The following HOXA6 variants were observed in gnomAD, a reference collection of about 807,000 sequenced individuals.
The protein encoded by HOXA6 is homeobox protein Hox-A6.
A neutral mutation model predicts 23.2 loss-of-function variants in HOXA6; 19 were observed. That is an observed-to-expected ratio of 0.82 (90% CI 0.57 to 1.20). The LOEUF is 1.20. HOXA6 is among the 50% of genes most tolerant of loss of function. The pLI, the probability that HOXA6 is intolerant of heterozygous loss-of-function variation, is 0.00. For missense variants in HOXA6, 346 were observed against 313.6 expected (o/e 1.10, Z -0.78); for synonymous variants, 140 against 132.6 (o/e 1.06, Z -0.38).
At position 27,145,658 on chromosome 7, in the gene HOXA6, C is replaced by G. The variant is rs761780955; in HGVS notation, c.702G>C (p.Ter234TyrextTer?). The G allele has an allele frequency of 6.2e-7, 1 of 1,612,676 alleles. No individual in the cohort carries two copies. The highest frequency in any genetic ancestry group is 8.5e-7 in the Non-Finnish European group (1 of 1,179,170). Reference protein sequence around the residue: ...GEDSEAKAGE* With the variant: ...GEDSEAKAGEY The stretch of plus-strand genomic sequence containing the variant: ...GCTGGCCTGGTCCCTGCCCAGGCAT[C>G]TACTCGCCCGCCTTTGCCTCTGAGT... The change falls in exon 2 of 2, where the codon TAG becomes TAC. Residue 234 changes from the stop codon to tyrosine (Y), a stop_lost. Coordinates refer to ENST00000222728, the MANE Select transcript of HOXA6 (RefSeq NM_024014.4).
Position 27,147,762 on chromosome 7 carries a change from C to T in HOXA6, c.-13G>A, listed in dbSNP as rs770322358. 1 of 1,596,902 alleles carries T rather than the reference C, an allele frequency of 6.3e-7. No homozygotes were observed. The highest frequency in any genetic ancestry group is 8.5e-7 in the Non-Finnish European group (1 of 1,175,314). On this transcript the variant is annotated 5_prime_UTR_variant, in exon 1 of 2. Transcript: ENST00000222728. ...AATAGGAACTCATTTGCGCGCCCCT[C>T]TGCAGGACTGTGATTTGTTGTGTAT...
At position 27,145,843 on chromosome 7, in the gene HOXA6, CCTT is replaced by C. The variant is rs1419969242; in HGVS notation, c.514_516del (p.Lys172del). The C allele has an allele frequency of 3.1e-6, 5 of 1,614,252 alleles. No homozygotes were observed. In the Admixed American group the frequency reaches 5.0e-5, roughly 16 times the overall value. On this transcript the variant is annotated inframe_deletion, in exon 2 of 2. Coordinates refer to ENST00000222728, the MANE Select transcript of HOXA6 (RefSeq NM_024014.4). ...GTCAGGTAGCGGTTGAAGTGGAACT[CCTT>C]CTCCAGCTCCAGTGTCTGGTAGCGC...
Position 27,147,346 on chromosome 7 carries a change from G to C in HOXA6, c.404C>G (p.Pro135Arg), listed in dbSNP as rs774234211. 24 of 1,614,128 alleles carry C rather than the reference G, an allele frequency of 1.5e-5. No homozygotes were observed. The highest frequency in any genetic ancestry group is 1.8e-5 in the Non-Finnish European group (21 of 1,180,034). Residue 135 changes from proline to arginine, a missense_variant, in exon 1 of 2, where the codon CCG becomes CGG. By Grantham distance (103) the Pro-to-Arg change is moderately radical. Transcript: ENST00000222728. ...CATCCGCTGCATCCAAGGGTAAACC[G>C]GGCTCGTGTACTTCCGGTCGGCGCC... ...DEGADRKYTSPVYPWMQRMNS... is the reference protein window; with the variant it reads ...DEGADRKYTSRVYPWMQRMNS...
At chr7:27,145,944 G>A (rs1396144277) in intron 1 of HOXA6, 27 bp from the exon 2 acceptor site, 2 of 1,601,764 alleles carry the variant, frequency 1.2e-6, no homozygotes, top group Non-Finnish European at 1.7e-6. Context: ...CCGGGCGCCG[G>A]TAAGCCAGGG....
Position 27,147,649 on chromosome 7 carries a change from G to A in HOXA6, c.101C>T (p.Ala34Val), listed in dbSNP as rs376057404. The stretch of plus-strand genomic sequence containing the variant: ...GTACGAGGCCGGGAAGGGCCTCAGC[G>A]CGTCATAGCCAGCCTGGTAGAGGGG... ...QLPLYQAGYD[A>V]LRPFPASYGA... The change falls in exon 1 of 2, where the codon GCG becomes GTG. Residue 34 changes from alanine to valine, a missense_variant. Ala to Val is a moderately conservative substitution (Grantham distance 64). Transcript: ENST00000222728. 2.5e-6 allele frequency: 4 copies of A among 1,614,206 alleles called. No homozygotes were observed. The highest frequency in any genetic ancestry group is 3.4e-6 in the Non-Finnish European group (4 of 1,180,032).
chr7:27,145,768 G>A lies in HOXA6; in HGVS notation c.592C>T (p.Gln198Ter). 1.2e-6 allele frequency: 2 copies of A among 1,614,194 alleles called. No individual in the cohort carries two copies. Among genetic ancestry groups the A allele is most frequent in the Non-Finnish European group, 1.7e-6 (2 of 1,180,040 alleles). Residue 198 changes from glutamine to a stop codon, truncating the protein, a stop_gained, in exon 2 of 2, where the codon CAG becomes TAG. Transcript: ENST00000222728. LOFTEE classifies it high-confidence loss of function. ...CGGTTCTGGAACCAGATCTTGATCT[G>A]GCGCTCGGTGAGGCAGAGCGCGTTG... ...IANALCLTERQIKIWFQNRRM... is the reference protein window; with the variant it reads ...IANALCLTER
rs1381971850 is a variant in HOXA6 at position 27,147,595 on chromosome 7, T to C, written c.155A>G (p.Tyr52Cys). The part of the protein sequence containing the change: ...YGASSLPDKT[Y>C]TSPCFYQQSN... ...CTGTTGGTAGAAACAAGGTGAGGTG[T>C]ACGTCTTGTCCGGGAGACTCGACGC... is the stretch of plus-strand genomic sequence containing the variant. The change falls in exon 1 of 2, where the codon TAC becomes TGC. Residue 52 changes from tyrosine (Y) to cysteine (C), a missense_variant. Transcript: ENST00000222728. 4.3e-6 allele frequency: 7 copies of C among 1,614,094 alleles called. No homozygotes were observed. The highest frequency in any genetic ancestry group is 5.9e-6 in the Non-Finnish European group (7 of 1,180,048).
chr7:27,146,224 G>A (rs971779365), intron 1 of HOXA6, among the ~76,000 whole-genome samples: 4 of 149,346 alleles, frequency 2.7e-5, no homozygotes, highest in African/African-American at 9.9e-5. Context: ...TCGTGTTTTT[G>A]TGGGGATGCA....
rs1562730693 is a variant in HOXA6 at position 27,145,452 on chromosome 7, GTTTTGTTTTGTTTTGTTTT to G, written c.*187_*205del. ...TGGTATTGGCTGTGTGTGAGGTTTTGTTTTGTTTTGTTTTGTTTTGTTTTGTTTTGTTTTGTTTTGTTTT... is the reference window on the plus strand; with the variant it reads ...TGGTATTGGCTGTGTGTGAGGTTTTGGTTTTGTTTTGTTTTGTTTTGTTTT... On this transcript the variant is annotated 3_prime_UTR_variant, in exon 2 of 2. Coordinates refer to ENST00000222728, the MANE Select transcript of HOXA6 (RefSeq NM_024014.4). 839 of 558,078 alleles carry G rather than the reference GTTTTGTTTTGTTTTGTTTT, an allele frequency of 1.5e-3. 11 individuals are homozygous for G. Among genetic ancestry groups the G allele is most frequent in the South Asian group, 2.9e-3 (137 of 47,276 alleles). 34.6% of individuals were successfully genotyped at this position (558,078 alleles called of 1,614,324 possible).
intron 1 of HOXA6, among the ~76,000 whole-genome samples, chr7:27,146,251 T>TTGTGTGTGTGTGTTTG: frequency 6.7e-6 from 1 of 149,012 alleles, no homozygotes; most frequent in South Asian, 2.1e-4. Flanking sequence ...GTGTGTGTGT[T>TTGTGTGTGTGTGTTTG]TGTGTGTGTG....
At position 27,147,271 on chromosome 7, in the gene HOXA6, T is replaced by C. The variant is rs200834044; in HGVS notation, c.442+37A>G. The stretch of plus-strand genomic sequence containing the variant: ...TTCTTTCTTTCTTTTCCTGCCTCCT[T>C]TCCCCTCTCCCTCCACTGTCTTGGG... On this transcript the variant is annotated intron_variant, in intron 1 of 1. Coordinates refer to ENST00000222728, the MANE Select transcript of HOXA6 (RefSeq NM_024014.4). The C allele has an allele frequency of 2.2e-5, 35 of 1,559,580 alleles. No homozygotes were observed. In the African/African-American group the frequency reaches 4.5e-4, roughly 20 times the overall value.
At chr7:27,147,246 T>G in intron 1 of HOXA6, 62 bp downstream of exon 1, 2 of 1,425,028 alleles carry the variant, frequency 1.4e-6, no homozygotes, top group Non-Finnish European at 1.9e-6. Flanking sequence ...TGTTTCCTCC[T>G]TCTTTCTTTC....
rs1331516029 is a variant in HOXA6, at chr7:27,147,755, C to A, written c.-6G>T. The A allele has an allele frequency of 1.2e-6, 2 of 1,600,910 alleles. No homozygotes were observed. Among genetic ancestry groups the A allele is most frequent in the South Asian group, 1.1e-5 (1 of 90,756 alleles). On this transcript the variant is annotated 5_prime_UTR_variant, in exon 1 of 2. Coordinates refer to ENST00000222728, the MANE Select transcript of HOXA6 (RefSeq NM_024014.4). ...TTCACAAAATAGGAACTCATTTGCGCGCCCCTCTGCAGGACTGTGATTTGT... is the reference window on the plus strand; with the variant it reads ...TTCACAAAATAGGAACTCATTTGCGAGCCCCTCTGCAGGACTGTGATTTGT...
In HOXA6 at chr7:27,147,440, G is replaced by A; in HGVS notation, c.310C>T (p.His104Tyr). ...GKQRGPGDYLHFSPEQQYKPD... is the reference protein window; with the variant it reads ...GKQRGPGDYLYFSPEQQYKPD... ...TTGTACTGCTGCTCGGGAGAAAAGT[G>A]CAGGTAGTCCCCGGGGCCCCTCTGC... The change falls in exon 1 of 2, where the codon CAC (histidine) becomes TAC (tyrosine). Residue 104 changes from histidine (H) to tyrosine (Y), a missense_variant. By Grantham distance (83) the His-to-Tyr change is moderately conservative. Transcript: ENST00000222728. 1.2e-6 allele frequency: 2 copies of A among 1,614,208 alleles called. No homozygotes were observed. Among genetic ancestry groups the A allele is most frequent in the Non-Finnish European group, 1.7e-6 (2 of 1,180,028 alleles).
At position 27,147,662 on chromosome 7, in the gene HOXA6, C is replaced by T; in HGVS notation, c.88G>A (p.Ala30Thr). 6.2e-7 allele frequency: 1 copy of T among 1,614,124 alleles called. No individual in the cohort carries two copies. The highest frequency in any genetic ancestry group is 1.3e-5 in the African/African-American group (1 of 75,060). Residue 30 changes from alanine to threonine, a missense_variant, in exon 1 of 2, where the codon GCT becomes ACT. Coordinates refer to ENST00000222728, the MANE Select transcript of HOXA6 (RefSeq NM_024014.4). Reference protein sequence around the residue: ...SFLGQLPLYQAGYDALRPFPA... With the variant: ...SFLGQLPLYQTGYDALRPFPA... The stretch of plus-strand genomic sequence containing the variant: ...AAGGGCCTCAGCGCGTCATAGCCAG[C>T]CTGGTAGAGGGGCAGCTGGCCCAAG...
At position 27,147,535 on chromosome 7, in the gene HOXA6, TAGGACGCCCGGTTG is replaced by T. The variant is rs774609217; in HGVS notation, c.201_214del (p.Cys67Ter). ...ATAGAAACACGAGGCCCCGTACTCG[TAGGACGCCCGGTTG>T]CAGGCCAGGACCGAGTTGGACTGTT... On this transcript the variant is annotated stop_gained and frameshift_variant, in exon 1 of 2. Transcript: ENST00000222728. LOFTEE classifies it high-confidence loss of function. 1.9e-5 allele frequency: 31 copies of T among 1,614,168 alleles called. No individual in the cohort carries two copies. Among genetic ancestry groups the T allele is most frequent in the Non-Finnish European group, 2.6e-5 (31 of 1,180,032 alleles).
At position 27,146,042 on chromosome 7, in the gene HOXA6, C is replaced by G. The variant is rs987679117; in HGVS notation, c.443-125G>C. On this transcript the variant is annotated intron_variant, in intron 1 of 1. Transcript: ENST00000222728. ...CCCGCCTCCACTCCAGCCTCTCCCA[C>G]TATGTCTGGGGCCCAAAGCATACTG... 5.3e-6 allele frequency: 6 copies of G among 1,134,828 alleles called. No homozygotes were observed. The African/African-American group carries it at 9.4e-5, about 18-fold the overall frequency. The allele number at this position is 1,134,828 out of a possible 1,614,324, so 70.3% of individuals were successfully genotyped here. A position where few individuals can be genotyped will look rare whatever the true frequency, so the allele number is the denominator to read the frequency against.
At chr7:27,146,210 C>T (rs371922787) in intron 1 of HOXA6, among the ~76,000 whole-genome samples, 1 of 151,560 alleles carries the variant, frequency 6.6e-6, no homozygotes. Context: ...TTGGGATGCC[C>T]AGGTCGTGTT....
At chr7:27,146,236 GGTGTGTGTGTGTGTTTGTGTGTGT>G (rs1259965513) in intron 1 of HOXA6, among the ~76,000 whole-genome samples, 1 of 113,644 alleles carries the variant, frequency 8.8e-6, no homozygotes, top group Non-Finnish European at 1.8e-5. Flanking sequence ...GGGGATGCAG[GGTGTGTGTGTGTGTTTGTGTGTGT>G]GTGTGTGTGT....
Sources: allele counts gnomAD v4.1 joint callset (sites outside exome capture counted in the v4.1 genomes callset), GRCh38; gene constraint gnomAD v4.1.1; transcripts MANE v1.5; gene names NCBI Gene and HGNC (gene_info 2026-07-23, HGNC 2026-07-21).